The following RIPK2 variants were observed in gnomAD, a reference collection of about 807,000 sequenced individuals.
The protein encoded by RIPK2 is receptor interacting serine/threonine kinase 2.
RIPK2 carries 38 observed loss-of-function variants against 60.9 expected under a neutral mutation model. The ratio of observed to expected loss-of-function variants is 0.62; its 90% CI spans 0.48 to 0.82. The LOEUF (loss-of-function observed/expected upper bound fraction) is 0.82, where lower values mean the gene tolerates loss of function less well. RIPK2 is among the 40% of genes least tolerant of loss of function. The pLI, the probability that RIPK2 is intolerant of heterozygous loss-of-function variation, is 0.00. For missense variants in RIPK2, 518 were observed against 647.0 expected (o/e 0.80, Z 2.16); for synonymous variants, 225 against 223.4 (o/e 1.01, Z -0.06).
chr8:89,779,935 G>T, intron 6 of RIPK2, 140 bp from the exon 7 acceptor site: 1 of 575,036 alleles, frequency 1.7e-6, no homozygotes, highest in South Asian at 2.1e-5. Flanking sequence ...CTTTATGTCA[G>T]TAATAAAAGC....
intron 3 of RIPK2, among the ~76,000 whole-genome samples, chr8:89,768,255 T>C (rs1809260373): frequency 6.6e-6 from 1 of 151,700 alleles, no homozygotes; most frequent in Non-Finnish European, 1.5e-5. Flanking sequence ...CTAGATATGA[T>C]CAAATTTTAT....
intron 9 of RIPK2, among the ~76,000 whole-genome samples, chr8:89,788,246 G>A (rs1809618928): frequency 2.0e-5 from 3 of 151,942 alleles, no homozygotes. Context: ...AGGAGGCTGA[G>A]GCACAAGAAT....
intron 1 of RIPK2, among the ~76,000 whole-genome samples, chr8:89,760,981 T>G (rs181932821): frequency 1.3e-5 from 2 of 152,320 alleles, no homozygotes; most frequent in Non-Finnish European, 2.9e-5. Context: ...TTAATTAAAA[T>G]GGGTCTCACA....
intron 8 of RIPK2, 43 bp from the exon 9 acceptor site, chr8:89,786,535 GAAATTAAAGCTCGAT>G (rs1310172824): frequency 2.1e-5 from 21 of 978,336 alleles, no homozygotes; most frequent in Non-Finnish European, 3.3e-5. Flanking sequence ...GAACTATTTA[GAAATTAAAGCTCGAT>G]AATTTTTATT....
chr8:89,787,523 G>T (rs1809606494), intron 9 of RIPK2, among the ~76,000 whole-genome samples: 1 of 152,204 alleles, frequency 6.6e-6, no homozygotes, highest in Admixed American at 6.5e-5. Flanking sequence ...AATTACAAAG[G>T]ATAGGCATTC....
intron 6 of RIPK2, among the ~76,000 whole-genome samples, chr8:89,779,566 C>A (rs1000869928): frequency 6.6e-6 from 1 of 151,866 alleles, no homozygotes; most frequent in African/African-American, 2.4e-5. Flanking sequence ...GTGATCTGTC[C>A]GCCTCGGCCT....
Position 89,784,141 on chromosome 8 carries a change from TAAAAAAAAAAAAAAAA to T in RIPK2, c.1029+10_1029+25del, listed in dbSNP as rs71268283. 42 of 558,334 alleles carry T rather than the reference TAAAAAAAAAAAAAAAA, an allele frequency of 7.5e-5. No individual in the cohort carries two copies. The African/African-American group carries it at 1.2e-3, about 16-fold the overall frequency. The allele number at this position is 558,334 out of a possible 1,614,324, so 34.6% of individuals were successfully genotyped here. A position where few individuals can be genotyped will look rare whatever the true frequency, so the allele number is the denominator to read the frequency against. ...CCTGTAAATCATGGTCCACAAGAGG[TAAAAAAAAAAAAAAAA>T]AAAAAAAGGTTATATTAAACTCAAA... On this transcript the variant is annotated splice_donor_5th_base_variant and intron_variant, in intron 8 of 10. Transcript: ENST00000220751.
In RIPK2 at chr8:89,790,486, T is replaced by A. The variant is rs1809659671; in HGVS notation, c.*70T>A. 1 of 1,164,126 alleles carries A rather than the reference T, an allele frequency of 8.6e-7. No homozygotes were observed. The highest frequency in any genetic ancestry group is 1.2e-6 in the Non-Finnish European group (1 of 838,020). The allele number at this position is 1,164,126 out of a possible 1,614,324, so 72.1% of individuals were successfully genotyped here. The stretch of plus-strand genomic sequence containing the variant: ...ATATCTCTGTTGCTTTGACTTTTTT[T>A]ATATAAAATCCGTGAGTATTAAAGC... On this transcript the variant is annotated 3_prime_UTR_variant, in exon 11 of 11. Coordinates refer to ENST00000220751, the MANE Select transcript of RIPK2 (RefSeq NM_003821.6).
At position 89,757,828 on chromosome 8, in the gene RIPK2, T is replaced by C. The variant is rs887096578; in HGVS notation, c.-233T>C. ...GAGAGAGGAAGCTCTTTCGCGGCGC[T>C]ACGGCGTTGGCACCAGTCTCTAGAA... On this transcript the variant is annotated 5_prime_UTR_variant, in exon 1 of 11. Coordinates refer to ENST00000220751, the MANE Select transcript of RIPK2 (RefSeq NM_003821.6). The C allele has an allele frequency of 7.9e-7, 1 of 1,270,096 alleles. No homozygotes were observed. The allele number at this position is 1,270,096 out of a possible 1,614,324, so 78.7% of individuals were successfully genotyped here. A position where few individuals can be genotyped will look rare whatever the true frequency, so the allele number is the denominator to read the frequency against.
chr8:89,757,957 C>G lies in RIPK2; in HGVS notation c.-104C>G, dbSNP rs920421969. On this transcript the variant is annotated 5_prime_UTR_variant, in exon 1 of 11. Coordinates refer to ENST00000220751, the MANE Select transcript of RIPK2 (RefSeq NM_003821.6). Reference sequence around the variant, plus strand: ...GCGGGGCAAAAAGGGTCTTGCCGGCCTCGCTCGTGCAGGGGCGTATCTGGG... The same window carrying G: ...GCGGGGCAAAAAGGGTCTTGCCGGCGTCGCTCGTGCAGGGGCGTATCTGGG... 5 of 1,417,972 alleles carry G rather than the reference C, an allele frequency of 3.5e-6. No individual in the cohort carries two copies. In the East Asian group the frequency reaches 1.3e-4, roughly 38 times the overall value. 87.8% of individuals were successfully genotyped at this position (1,417,972 alleles called of 1,614,324 possible).
rs1395652956 is a variant in RIPK2 at position 89,786,656 on chromosome 8, C to T, written c.1093C>T (p.Pro365Ser). The change falls in exon 9 of 11, where the codon CCA becomes TCA. Residue 365 changes from proline (P) to serine (S), a missense_variant. Coordinates refer to ENST00000220751, the MANE Select transcript of RIPK2 (RefSeq NM_003821.6). The part of the protein sequence containing the change: ...SGSPETSRSL[P>S]APQDNDFLSR... ...TTCTCCTGAAACTTCAAGGTCCCTG[C>T]CAGCTCCTCAAGACAATGATTTTTT... 1.9e-6 allele frequency: 3 copies of T among 1,592,652 alleles called. No individual in the cohort carries two copies. The highest frequency in any genetic ancestry group is 1.4e-5 in the African/African-American group (1 of 72,858).
chr8:89,775,178 C>T (rs1301850653), intron 6 of RIPK2, among the ~76,000 whole-genome samples: 1 of 152,178 alleles, frequency 6.6e-6, no homozygotes, highest in Non-Finnish European at 1.5e-5. Context: ...TGGCCCATGC[C>T]TGTAATCCCA....
At chr8:89,760,622 A>G (rs1337207675) in intron 1 of RIPK2, among the ~76,000 whole-genome samples, 2 of 152,316 alleles carry the variant, frequency 1.3e-5, no homozygotes, top group Admixed American at 6.5e-5. Flanking sequence ...CATGATTGCA[A>G]TTCAAATCTG....
intron 9 of RIPK2, among the ~76,000 whole-genome samples, chr8:89,787,859 C>T (rs1054204053): frequency 1.3e-5 from 2 of 151,786 alleles, no homozygotes; most frequent in East Asian, 3.9e-4. Flanking sequence ...CTGTAGTACC[C>T]GTGAGAGATT....
intron 3 of RIPK2, among the ~76,000 whole-genome samples, chr8:89,769,271 C>T (rs1054354996): frequency 6.6e-6 from 1 of 151,772 alleles, no homozygotes; most frequent in Non-Finnish European, 1.5e-5. Flanking sequence ...ATTACCTTTA[C>T]AATTTTGAGA....
At chr8:89,779,161 G>T (rs551292042) in intron 6 of RIPK2, among the ~76,000 whole-genome samples, 59 of 152,112 alleles carry the variant, frequency 3.9e-4, no homozygotes, top group African/African-American at 1.3e-3. Flanking sequence ...TCATGGGTCT[G>T]TATATATTGT....
At chr8:89,761,119 A>G (rs897945841) in intron 1 of RIPK2, among the ~76,000 whole-genome samples, 1 of 152,230 alleles carries the variant, frequency 6.6e-6, no homozygotes, top group Non-Finnish European at 1.5e-5. Flanking sequence ...GACCTATTCA[A>G]AAAATAAATG....
intron 8 of RIPK2, among the ~76,000 whole-genome samples, chr8:89,784,726 G>A (rs780592753): frequency 9.2e-5 from 14 of 152,176 alleles, no homozygotes; most frequent in Non-Finnish European, 1.5e-4. Context: ...CCACACCTGT[G>A]TTAGTCTGTT....
chr8:89,781,986 T>C (rs1192581315), intron 7 of RIPK2, among the ~76,000 whole-genome samples: 2 of 152,026 alleles, frequency 1.3e-5, no homozygotes, highest in Non-Finnish European at 1.5e-5. Context: ...CAAAAAAACA[T>C]AACAAAACAA....
Sources: gnomAD v4.1 joint callset for allele counts (sites outside exome capture counted in the v4.1 genomes callset) on GRCh38, gnomAD v4.1.1 for gene constraint, MANE v1.5 for transcripts, NCBI Gene and HGNC (gene_info 2026-07-23, HGNC 2026-07-21) for gene names.